WWC1: variants seen among roughly 807,000 people sequenced by gnomAD.
WWC1 encodes the protein WW and C2 domain containing 1.
WWC1 carries 55 observed loss-of-function variants against 138.4 expected under a neutral mutation model. The ratio of observed to expected loss-of-function variants is 0.40; its 90% CI spans 0.32 to 0.50. WWC1 has a LOEUF of 0.50. WWC1 is among the 20% of genes least tolerant of loss of function. WWC1 has a pLI of 0.72. For synonymous variants in WWC1, 524 were observed against 564.9 expected (o/e 0.93, Z 1.03); for missense variants, 1,226 against 1,420.4 (o/e 0.86, Z 2.20).
intron 13 of WWC1, among the ~76,000 whole-genome samples, chr5:168,429,644 A>G (rs1233225606): frequency 2.6e-5 from 4 of 152,186 alleles, no homozygotes; most frequent in Admixed American, 6.5e-5. Context: ...TTAAAAATTC[A>G]GACAACTGGC....
chr5:168,428,614 C>T, intron 12 of WWC1, 93 bp from the exon 13 acceptor site: 1 of 1,339,722 alleles, frequency 7.5e-7, no homozygotes, highest in Non-Finnish European at 1.1e-6. Flanking sequence ...TGAGCAAACC[C>T]CAACTTTCCT....
rs1290799804 is a variant in WWC1 at position 168,391,789 on chromosome 5, ATATAT to A, written c.434-5934_434-5930del. On this transcript the variant is annotated intron_variant, in intron 3 of 22. Transcript: ENST00000265293. Reference sequence around the variant, plus strand: ...TATATATATATATATATATATATATATATATGATTAGGGAAAATTGGAGAAGAAAG... The same window carrying A: ...TATATATATATATATATATATATATAGATTAGGGAAAATTGGAGAAGAAAG... 6.5e-5 allele frequency among the ~76,000 whole-genome samples: 9 copies of A among 138,074 alleles called. 1 individual carries two copies. Among genetic ancestry groups the A allele is most frequent in the Non-Finnish European group, 1.3e-4 (8 of 63,798 alleles). 90.6% of individuals were successfully genotyped at this position (138,074 alleles called of 152,430 possible). A position where few individuals can be genotyped will look rare whatever the true frequency, so the allele number is the denominator to read the frequency against.
At chr5:168,418,963 AACCATGCCAAGGCC>A (rs1780873187) in intron 9 of WWC1, among the ~76,000 whole-genome samples, 1 of 152,140 alleles carries the variant, frequency 6.6e-6, no homozygotes, top group South Asian at 2.1e-4. Flanking sequence ...GCTGACCAAG[AACCATGCCAAGGCC>A]ACTCTGCCTG....
intron 2 of WWC1, 99 bp from the exon 3 acceptor site, chr5:168,385,112 T>C: frequency 1.0e-5 from 12 of 1,149,180 alleles, no homozygotes; most frequent in Non-Finnish European, 1.5e-5. Context: ...GATTTGTCTA[T>C]GCATTTTGCT....
intron 8 of WWC1, chr5:168,413,947 T>G: frequency 9.8e-6 from 2 of 203,458 alleles, no homozygotes; most frequent in South Asian, 9.0e-5. Context: ...GCTTTGCAGG[T>G]TACAGATTAT....
Position 168,423,161 on chromosome 5 carries a change from A to AAAAAAAAAC in WWC1, c.1275-364_1275-363insCAAAAAAAA, listed in dbSNP as rs1554108969. 7.2e-3 allele frequency among the ~76,000 whole-genome samples: 1,001 copies of AAAAAAAAAC among 139,886 alleles called. 2 individuals carry two copies. Among genetic ancestry groups the AAAAAAAAAC allele is most frequent in the South Asian group, 0.015 (62 of 4,020 alleles). The allele number at this position is 139,886 out of a possible 152,430, so 91.8% of individuals were successfully genotyped here. ...CTCCATCCCCCCCCAAAAAAAAAAA[A>AAAAAAAAAC]AAAAAAAAAAACACAGTGAGTTGAT... On this transcript the variant is annotated intron_variant, in intron 10 of 22. Coordinates refer to ENST00000265293, the MANE Select transcript of WWC1 (RefSeq NM_015238.3).
intron 1 of WWC1, among the ~76,000 whole-genome samples, chr5:168,344,605 G>A (rs553842937): frequency 2.0e-5 from 3 of 152,338 alleles, no homozygotes; most frequent in Admixed American, 6.5e-5. Flanking sequence ...AGATGAAACA[G>A]TAGATGGGAA....
At chr5:168,448,830 A>G (rs1358270479) in intron 17 of WWC1, among the ~76,000 whole-genome samples, 1 of 152,096 alleles carries the variant, frequency 6.6e-6, no homozygotes, top group East Asian at 1.9e-4. Context: ...CGTGTTAGCC[A>G]GGATGGTCTC....
Position 168,444,497 on chromosome 5 carries a change from G to A in WWC1, c.2437G>A (p.Ala813Thr), listed in dbSNP as rs372805650. 13 of 1,574,092 alleles carry A rather than the reference G, an allele frequency of 8.3e-6. No homozygotes were observed. The highest frequency in any genetic ancestry group is 1.7e-4 in the Middle Eastern group (1 of 6,028). The change falls in exon 17 of 23, where the codon GCT becomes ACT. Residue 813 changes from alanine to threonine, a missense_variant. Around this residue, in one of 3 missense-constraint regions of WWC1, gnomAD observed 1,016 missense variants for 1,153.9 expected, o/e 0.88. Transcript: ENST00000265293. ...CCAGCAACCTTTGTCTCTATAGGAC[G>A]CTGTGTCTGCTCTGTTGGAACAGAC... ...APASGPASTD[A>T]VSALLEQTAV...
intron 21 of WWC1, among the ~76,000 whole-genome samples, chr5:168,465,296 G>A (rs960803206): frequency 7.9e-5 from 12 of 152,134 alleles, no homozygotes; most frequent in African/African-American, 2.2e-4. Flanking sequence ...GCCACAGCAC[G>A]CACTTTAAAA....
At chr5:168,433,125 C>A (rs1782078999) in intron 15 of WWC1, among the ~76,000 whole-genome samples, 1 of 152,246 alleles carries the variant, frequency 6.6e-6, no homozygotes, top group South Asian at 2.1e-4. Flanking sequence ...AGTCTCAGTT[C>A]CCTTATCTGT....
chr5:168,422,215 T>G, intron 10 of WWC1, 118 bp downstream of exon 10: 1 of 972,434 alleles, frequency 1.0e-6, no homozygotes, highest in South Asian at 1.4e-5. Context: ...AGTGGATGTT[T>G]AGAAGCATAG....
At chr5:168,349,345 T>C (rs2152786397) in intron 1 of WWC1, among the ~76,000 whole-genome samples, 1 of 152,244 alleles carries the variant, frequency 6.6e-6, no homozygotes, top group South Asian at 2.1e-4. Context: ...AAATCTTTTG[T>C]ATATGACACC....
chr5:168,419,832 A>G (rs551741124), intron 9 of WWC1, among the ~76,000 whole-genome samples: 44 of 152,208 alleles, frequency 2.9e-4, no homozygotes, highest in African/African-American at 1.0e-3. Flanking sequence ...GCTGCCCTCC[A>G]TGGGAGGTTT....
chr5:168,463,396 G>A (rs901222141), intron 20 of WWC1, among the ~76,000 whole-genome samples: 3 of 152,176 alleles, frequency 2.0e-5, no homozygotes, highest in Non-Finnish European at 4.4e-5. Flanking sequence ...TCAGCTCCTA[G>A]AGGTCACTCT....
At chr5:168,324,371 T>G (rs144575143) in intron 1 of WWC1, among the ~76,000 whole-genome samples, 1,779 of 152,176 alleles carry the variant, frequency 0.012, 29 homozygotes, top group African/African-American at 0.039. Flanking sequence ...AGGCAGAGGT[T>G]GCAGTGAGTT....
chr5:168,393,504 A>G (rs1488607974), intron 3 of WWC1, among the ~76,000 whole-genome samples: 1 of 152,220 alleles, frequency 6.6e-6, no homozygotes, highest in African/African-American at 2.4e-5. Context: ...CTGACCTAGA[A>G]TTCTATATCC....
chr5:168,417,470 C>A (rs1385310723), intron 9 of WWC1, among the ~76,000 whole-genome samples: 2 of 152,102 alleles, frequency 1.3e-5, no homozygotes, highest in African/African-American at 4.8e-5. Context: ...CTCCCAGGAT[C>A]CCTGAGGTTA....
chr5:168,453,995 G>A lies in WWC1; in HGVS notation c.2553G>A (p.Glu851=). ...SWRYEETSEN[E]AVAEEEEEEV... ...GGTATGAGGAGACCAGTGAGAATGA[G>A]GCAGTAGCCGAGGAAGAGGAGGAGG... The change falls in exon 18 of 23, where the codon GAG becomes GAA. Residue 851 remains glutamate (E), a synonymous_variant. Coordinates refer to ENST00000265293, the MANE Select transcript of WWC1 (RefSeq NM_015238.3). 6.2e-7 allele frequency: 1 copy of A among 1,611,070 alleles called. No homozygotes were observed. The highest frequency in any genetic ancestry group is 1.1e-5 in the South Asian group (1 of 90,914).
Sources: allele counts gnomAD v4.1 joint callset (sites outside exome capture counted in the v4.1 genomes callset), GRCh38; gene constraint gnomAD v4.1.1; regional missense constraint gnomAD v4.1.1; transcripts MANE v1.5; gene names NCBI Gene and HGNC (gene_info 2026-07-23, HGNC 2026-07-21).